The following NHEJ1 variants were observed in gnomAD, a reference collection of about 807,000 sequenced individuals.
NHEJ1 encodes non-homologous end-joining factor 1.
NHEJ1 carries 22 observed loss-of-function variants against 39.4 expected under a neutral mutation model. The ratio of observed to expected loss-of-function variants is 0.56; its 90% CI spans 0.40 to 0.80. The LOEUF (loss-of-function observed/expected upper bound fraction) is 0.80, where lower values mean the gene tolerates loss of function less well. NHEJ1 is among the 30% of genes least tolerant of loss of function. NHEJ1 has a pLI of 0.00. For missense variants in NHEJ1, 329 were observed against 357.1 expected (o/e 0.92, Z 0.63); for synonymous variants, 154 against 135.6 (o/e 1.14, Z -0.94).
chr2:219,151,059 T>C (rs1404678917), intron 3 of NHEJ1, among the ~76,000 whole-genome samples: 2 of 139,148 alleles, frequency 1.4e-5, no homozygotes, highest in East Asian at 4.2e-4. Flanking sequence ...GCCCAGGAGG[T>C]GGACGTTGCA....
At chr2:219,135,337 T>C (rs1949617011) in intron 5 of NHEJ1, among the ~76,000 whole-genome samples, 1 of 152,176 alleles carries the variant, frequency 6.6e-6, no homozygotes, top group African/African-American at 2.4e-5. Flanking sequence ...CCGGGCACAG[T>C]GGCTCACGCC....
chr2:219,123,692 G>A (rs916856008), intron 5 of NHEJ1, among the ~76,000 whole-genome samples: 2 of 151,714 alleles, frequency 1.3e-5, no homozygotes, highest in Non-Finnish European at 2.9e-5. Flanking sequence ...CTAGAAAAGT[G>A]CGTCTTTACT....
At chr2:219,084,648 G>A (rs185345165) in intron 5 of NHEJ1, among the ~76,000 whole-genome samples, 9 of 152,232 alleles carry the variant, frequency 5.9e-5, no homozygotes, top group African/African-American at 2.2e-4. Context: ...AGAAAAATGA[G>A]GAGACCAACA....
chr2:219,159,552 C>CATATATATATATATGCAT (rs373057307), intron 1 of NHEJ1, among the ~76,000 whole-genome samples: 4 of 66,378 alleles, frequency 6.0e-5, no homozygotes, highest in East Asian at 5.8e-4. Flanking sequence ...TATATATATG[C>CATATATATATATATGCAT]ATATATATAT....
intron 5 of NHEJ1, among the ~76,000 whole-genome samples, chr2:219,084,783 C>T (rs1431206508): frequency 6.6e-6 from 1 of 152,212 alleles, no homozygotes; most frequent in East Asian, 1.9e-4. Flanking sequence ...CCTTTACTCT[C>T]CAATTCTTCA....
chr2:219,135,920 T>C (rs1949622764), intron 5 of NHEJ1, among the ~76,000 whole-genome samples: 1 of 152,218 alleles, frequency 6.6e-6, no homozygotes, highest in Non-Finnish European at 1.5e-5. Flanking sequence ...AGTTGGTAAC[T>C]TCCTTTGAGT....
At chr2:219,098,570 T>C (rs1259732377) in intron 5 of NHEJ1, among the ~76,000 whole-genome samples, 5 of 152,222 alleles carry the variant, frequency 3.3e-5, no homozygotes, top group African/African-American at 7.2e-5. Flanking sequence ...CAAGAGTTCA[T>C]TTCTGACTGA....
Position 219,073,330 on chromosome 2 carries a change from C to T in NHEJ1, c.*3051G>A, listed in dbSNP as rs1178602788. Among the ~76,000 whole-genome samples the T allele has an allele frequency of 6.6e-6, 1 of 152,182 alleles. No homozygotes were observed. Among genetic ancestry groups the T allele is most frequent in the Non-Finnish European group, 1.5e-5 (1 of 68,032 alleles). ...ATAACTTTACTATCCCTTGGAAATC[C>T]TCCTTGATCTGGGAGACTGGCTGCC... On this transcript the variant is annotated 3_prime_UTR_variant, in exon 8 of 8. Transcript: ENST00000356853.
chr2:219,130,771 A>G (rs1574730747), intron 5 of NHEJ1, among the ~76,000 whole-genome samples: 2 of 152,154 alleles, frequency 1.3e-5, no homozygotes, highest in East Asian at 3.9e-4. Context: ...CACTCTCCAA[A>G]TAATAGTCTG....
At chr2:219,103,120 G>A (rs1433952119) in intron 5 of NHEJ1, among the ~76,000 whole-genome samples, 1 of 147,446 alleles carries the variant, frequency 6.8e-6, no homozygotes, top group Non-Finnish European at 1.5e-5. Context: ...GGCAGAGTTT[G>A]CAATGAGCTG....
At position 219,071,207 on chromosome 2, in the gene NHEJ1, G is replaced by T. The variant is rs1232189531; in HGVS notation, c.*5174C>A. Among the ~76,000 whole-genome samples, 1 of 152,180 alleles carries T rather than the reference G, an allele frequency of 6.6e-6. No individual in the cohort carries two copies. Among genetic ancestry groups the T allele is most frequent in the Non-Finnish European group, 1.5e-5 (1 of 68,028 alleles). On this transcript the variant is annotated 3_prime_UTR_variant, in exon 8 of 8. Transcript: ENST00000356853. ...TGCTCAGCCTTCAAGGCCTGAGGTA[G>T]GAGGGAAAAGCCAGGATGAAGTGCC...
In NHEJ1 at chr2:219,071,737, C is replaced by T. The variant is rs1948958983; in HGVS notation, c.*4644G>A. ...TCCCAGGTGAGTCAATGGCTGTGTG[C>T]TCCCCACACCCTGGAGCTCTTCCAG... On this transcript the variant is annotated 3_prime_UTR_variant, in exon 8 of 8. Coordinates refer to ENST00000356853, the MANE Select transcript of NHEJ1 (RefSeq NM_024782.3). 6.6e-6 allele frequency among the ~76,000 whole-genome samples: 1 copy of T among 152,178 alleles called. No individual in the cohort carries two copies. Among genetic ancestry groups the T allele is most frequent in the South Asian group, 2.1e-4 (1 of 4,830 alleles).
At chr2:219,142,729 C>T (rs183000395) in intron 5 of NHEJ1, among the ~76,000 whole-genome samples, 1 of 152,330 alleles carries the variant, frequency 6.6e-6, no homozygotes, top group East Asian at 1.9e-4. Context: ...GTCCCTGACT[C>T]TTCTTTCACT....
rs1458471661 is a variant in NHEJ1 at position 219,111,880 on chromosome 2, G to A, written c.589-33674C>T. Reference sequence around the variant, plus strand: ...ACGCGCTTGGCCAGCATCATGGCAGGATGGGGCGAGGCCATGCTTTAGGGG... The same window carrying A: ...ACGCGCTTGGCCAGCATCATGGCAGAATGGGGCGAGGCCATGCTTTAGGGG... On this transcript the variant is annotated intron_variant, in intron 5 of 7. Transcript: ENST00000356853. The surrounding 1 kb of genome is among the most constrained non-coding windows in gnomAD (Gnocchi z 4.1). Among the ~76,000 whole-genome samples the A allele has an allele frequency of 2.0e-5, 3 of 152,234 alleles. No homozygotes were observed. The highest frequency in any genetic ancestry group is 4.8e-5 in the African/African-American group (2 of 41,452).
In NHEJ1 at chr2:219,074,901, C is replaced by T. The variant is rs1948998384; in HGVS notation, c.*1480G>A. Among the ~76,000 whole-genome samples the T allele has an allele frequency of 6.6e-6, 1 of 151,986 alleles. No individual in the cohort carries two copies. On this transcript the variant is annotated 3_prime_UTR_variant, in exon 8 of 8. Coordinates refer to ENST00000356853, the MANE Select transcript of NHEJ1 (RefSeq NM_024782.3). The stretch of plus-strand genomic sequence containing the variant: ...GTTATCAGCAGTGACTGGGAATGAG[C>T]CTTGGTGGAGATCTCAGACTCTGCT...
At chr2:219,106,899 A>G (rs1313941932) in intron 5 of NHEJ1, among the ~76,000 whole-genome samples, 1 of 152,190 alleles carries the variant, frequency 6.6e-6, no homozygotes, top group Non-Finnish European at 1.5e-5. Flanking sequence ...ATTTTACTCT[A>G]ACAAAAACAC....
At chr2:219,139,110 CAG>C (rs1949665612) in intron 5 of NHEJ1, among the ~76,000 whole-genome samples, 1 of 151,284 alleles carries the variant, frequency 6.6e-6, no homozygotes, top group Non-Finnish European at 1.5e-5. Context: ...TTTTTTGAGA[CAG>C]AGTCTCATTC....
chr2:219,111,362 T>C lies in NHEJ1; in HGVS notation c.589-33156A>G, dbSNP rs1949363843. Among the ~76,000 whole-genome samples the C allele has an allele frequency of 6.6e-6, 1 of 152,154 alleles. No individual in the cohort carries two copies. Among genetic ancestry groups the C allele is most frequent in the African/African-American group, 2.4e-5 (1 of 41,422 alleles). ...GCAAAGTAGGGGGATGGTACAGCTTTTAAAAGAGGGGACCAGCTCTCAAAT... is the reference window on the plus strand; with the variant it reads ...GCAAAGTAGGGGGATGGTACAGCTTCTAAAAGAGGGGACCAGCTCTCAAAT... On this transcript the variant is annotated intron_variant, in intron 5 of 7. Coordinates refer to ENST00000356853, the MANE Select transcript of NHEJ1 (RefSeq NM_024782.3). This position sits in a 1 kb window ranked among gnomAD's most constrained non-coding sequence, Gnocchi z 4.1.
intron 3 of NHEJ1, 26 bp downstream of exon 3, chr2:219,157,446 C>A: frequency 1.3e-6 from 2 of 1,599,608 alleles, no homozygotes; most frequent in South Asian, 1.1e-5. Flanking sequence ...ATCCCTCCCC[C>A]AACCCCACAT....
Sources: allele counts gnomAD v4.1 joint callset (sites outside exome capture counted in the v4.1 genomes callset), GRCh38; gene constraint gnomAD v4.1.1; non-coding constraint Gnocchi (gnomAD v3.1); transcripts MANE v1.5; gene names NCBI Gene and HGNC (gene_info 2026-07-23, HGNC 2026-07-21).